SERGEF: variants seen among roughly 807,000 people sequenced by gnomAD.
SERGEF encodes the protein secretion-regulating guanine nucleotide exchange factor.
Under a neutral mutation model 50.0 loss-of-function variants are expected in SERGEF, and 51 were observed. The observed-to-expected ratio is 1.02, with a 90% CI of 0.81 to 1.29. SERGEF has a LOEUF of 1.29. SERGEF is among the 50% of genes most tolerant of loss of function. SERGEF has a pLI of 0.00. For missense variants in SERGEF, 521 were observed against 557.0 expected (o/e 0.94, Z 0.65); for synonymous variants, 205 against 212.4 (o/e 0.97, Z 0.30).
chr11:17,943,734 C>T (rs981828870), intron 9 of SERGEF, among the ~76,000 whole-genome samples: 2 of 152,216 alleles, frequency 1.3e-5, no homozygotes, highest in African/African-American at 4.8e-5. Flanking sequence ...CTGCATCCCA[C>T]AAACACTGAT....
chr11:17,854,658 C>A (rs540067576), intron 10 of SERGEF: 2 of 152,326 alleles, frequency 1.3e-5, no homozygotes, highest in South Asian at 4.2e-4. Flanking sequence ...GTTGTACAAG[C>A]CATTTCCTCA....
At chr11:17,902,785 G>A (rs1040565029) in intron 9 of SERGEF, among the ~76,000 whole-genome samples, 2 of 152,204 alleles carry the variant, frequency 1.3e-5, no homozygotes, top group African/African-American at 4.8e-5. Flanking sequence ...GAAGCATGCA[G>A]GACTAGAGTT....
chr11:17,958,116 C>T (rs1256560080), intron 9 of SERGEF, among the ~76,000 whole-genome samples: 1 of 152,182 alleles, frequency 6.6e-6, no homozygotes, highest in East Asian at 1.9e-4. Flanking sequence ...GATAGACACA[C>T]TTAACCCAGC....
intron 10 of SERGEF, among the ~76,000 whole-genome samples, chr11:17,870,473 T>C (rs766839792): frequency 2.0e-5 from 3 of 152,176 alleles, no homozygotes; most frequent in Non-Finnish European, 2.9e-5. Context: ...CTTTAGTAGC[T>C]AGAAAGGGCA....
intron 9 of SERGEF, among the ~76,000 whole-genome samples, chr11:17,899,847 T>C (rs917678954): frequency 1.3e-4 from 19 of 151,622 alleles, no homozygotes; most frequent in Non-Finnish European, 2.2e-4. Context: ...TCCTAGCTAC[T>C]CAGGAGGCTG....
chr11:17,828,475 G>A (rs1850241276), intron 10 of SERGEF, among the ~76,000 whole-genome samples: 1 of 152,232 alleles, frequency 6.6e-6, no homozygotes, highest in Non-Finnish European at 1.5e-5. Flanking sequence ...GCGCACGGCT[G>A]TCGCCTGCTC....
intron 10 of SERGEF, among the ~76,000 whole-genome samples, chr11:17,831,525 T>C (rs1484124170): frequency 1.3e-5 from 2 of 152,168 alleles, no homozygotes; most frequent in African/African-American, 4.8e-5. Flanking sequence ...GAAGCCAGAA[T>C]AGTAGCTGGC....
intron 9 of SERGEF, among the ~76,000 whole-genome samples, chr11:17,895,409 G>A (rs1435424328): frequency 1.3e-5 from 2 of 152,182 alleles, no homozygotes; most frequent in Non-Finnish European, 2.9e-5. Context: ...CTGGTGCCAC[G>A]TAACCCAGCC....
intron 10 of SERGEF, among the ~76,000 whole-genome samples, chr11:17,823,262 T>A (rs187904240): frequency 6.6e-6 from 1 of 152,294 alleles, no homozygotes; most frequent in East Asian, 1.9e-4. Flanking sequence ...AGGTGAAGTG[T>A]CCTTATCATC....
intron 10 of SERGEF, among the ~76,000 whole-genome samples, chr11:17,807,761 A>C (rs1238145806): frequency 3.3e-5 from 5 of 152,282 alleles, no homozygotes; most frequent in Middle Eastern, 3.4e-3. Flanking sequence ...GGGTGGCATG[A>C]TCATGACTTG....
chr11:18,009,607 G>C (rs911033464), intron 1 of SERGEF, among the ~76,000 whole-genome samples: 3 of 152,192 alleles, frequency 2.0e-5, no homozygotes, highest in Admixed American at 6.5e-5. Flanking sequence ...TACAGTGAAA[G>C]AGGCTGGCAA....
chr11:17,999,073 G>A (rs1346922977), intron 5 of SERGEF, among the ~76,000 whole-genome samples: 1 of 152,122 alleles, frequency 6.6e-6, no homozygotes, highest in Non-Finnish European at 1.5e-5. Context: ...GAATTATGTT[G>A]AATGAAAAAA....
intron 8 of SERGEF, among the ~76,000 whole-genome samples, chr11:17,975,675 A>C (rs1371426160): frequency 6.6e-6 from 1 of 152,046 alleles, no homozygotes; most frequent in Non-Finnish European, 1.5e-5. Context: ...AGGAGACTGC[A>C]AGAGCACCCC....
chr11:17,907,580 A>T (rs762553070), intron 9 of SERGEF, among the ~76,000 whole-genome samples: 5 of 152,230 alleles, frequency 3.3e-5, no homozygotes, highest in Non-Finnish European at 7.3e-5. Context: ...AGCTCCGCAA[A>T]TAAGGTTGCC....
intron 10 of SERGEF, among the ~76,000 whole-genome samples, chr11:17,872,931 TA>T (rs3831591): frequency 0.11 from 17,353 of 152,254 alleles, 1,255 homozygotes; most frequent in Middle Eastern, 0.24. Flanking sequence ...GATAAAAACA[TA>T]TCTTAGTATT....
chr11:17,882,107 A>G (rs1851341453), intron 9 of SERGEF, among the ~76,000 whole-genome samples: 1 of 152,130 alleles, frequency 6.6e-6, no homozygotes, highest in African/African-American at 2.4e-5. Context: ...CCCACTGTCT[A>G]CCAAGGTAAA....
At chr11:17,927,660 C>A (rs930187050) in intron 9 of SERGEF, among the ~76,000 whole-genome samples, 9 of 152,350 alleles carry the variant, frequency 5.9e-5, no homozygotes, top group Middle Eastern at 3.4e-3. Flanking sequence ...AAAGCCCCGT[C>A]TATGCCTGAC....
At chr11:17,843,769 C>T (rs1850551351) in intron 10 of SERGEF, among the ~76,000 whole-genome samples, 1 of 152,074 alleles carries the variant, frequency 6.6e-6, no homozygotes, top group South Asian at 2.1e-4. Context: ...AAGATACAGC[C>T]CCTCCTCCTC....
intron 10 of SERGEF, among the ~76,000 whole-genome samples, chr11:17,814,956 G>A (rs1472484726): frequency 6.6e-6 from 1 of 152,180 alleles, no homozygotes; most frequent in African/African-American, 2.4e-5. Context: ...TGAGGTGGGA[G>A]GATCGCTTGA....
Sources: gnomAD v4.1 joint callset for allele counts (sites outside exome capture counted in the v4.1 genomes callset) on GRCh38, gnomAD v4.1.1 for gene constraint, MANE v1.5 for transcripts, NCBI Gene and HGNC (gene_info 2026-07-23, HGNC 2026-07-21) for gene names.